Variants in NAGLU observed in about 807,000 individuals in gnomAD.
The protein encoded by NAGLU is alpha-N-acetylglucosaminidase.
A neutral mutation model predicts 43.4 loss-of-function variants in NAGLU; 34 were observed. The ratio of observed to expected loss-of-function variants is 0.78; its 90% CI spans 0.60 to 1.04. The LOEUF is 1.04. Ranked by LOEUF, NAGLU falls within the 50% of genes least tolerant of loss-of-function variation. NAGLU has a pLI of 0.00. For synonymous variants in NAGLU, 425 were observed against 437.6 expected (o/e 0.97, Z 0.36); for missense variants, 910 against 993.7 (o/e 0.92, Z 1.13).
Position 42,543,899 on chromosome 17 carries a change from T to TGAGGCC in NAGLU, c.1902_1907dup (p.Glu634_Ala635dup). 1 of 1,605,550 alleles carries TGAGGCC rather than the reference T, an allele frequency of 6.2e-7. No homozygotes were observed. The highest frequency in any genetic ancestry group is 8.5e-7 in the Non-Finnish European group (1 of 1,176,334). On this transcript the variant is annotated inframe_insertion, in exon 6 of 6. Transcript: ENST00000225927. ...AGCAGGCCCGAGCAGCGGCAGTCAG[T>TGAGGCC]GAGGCCGAGGCCGATTTCTACGAGC...
chr17:42,536,885 C>G, intron 1 of NAGLU: 1 of 867,728 alleles, frequency 1.2e-6, no homozygotes, highest in Non-Finnish European at 1.6e-6. Context: ...TGAGGATTTG[C>G]ACGATGATGG....
chr17:42,536,837 A>C, intron 1 of NAGLU, 182 bp downstream of exon 1: 2 of 1,221,710 alleles, frequency 1.6e-6, no homozygotes, highest in Non-Finnish European at 2.1e-6. Context: ...GGCCCACCTG[A>C]AAAACGGAAA....
At position 42,541,119 on chromosome 17, in the gene NAGLU, G is replaced by T; in HGVS notation, c.934G>T (p.Asp312Tyr). 6.2e-7 allele frequency: 1 copy of T among 1,614,020 alleles called. No individual in the cohort carries two copies. Among genetic ancestry groups the T allele is most frequent in the Non-Finnish European group, 8.5e-7 (1 of 1,180,022 alleles). The stretch of plus-strand genomic sequence containing the variant: ...TGGCACAGACCACATCTATGGGGCC[G>T]ACACTTTCAATGAGATGCAGCCACC... ...EFGTDHIYGA[D>Y]TFNEMQPPSS... is the part of the protein sequence containing the mutation. The change falls in exon 5 of 6, where the codon GAC becomes TAC. Residue 312 changes from aspartate (D) to tyrosine (Y), a missense_variant. Transcript: ENST00000225927.
intron 5 of NAGLU, 93 bp from the exon 6 acceptor site, chr17:42,542,935 G>A (rs2092925118): frequency 6.4e-6 from 10 of 1,570,542 alleles, no homozygotes; most frequent in Non-Finnish European, 8.6e-6. Flanking sequence ...CCATGACCTG[G>A]GATAGACAGT....
chr17:42,544,138 G>A lies in NAGLU; in HGVS notation c.2132G>A (p.Ser711Asn), dbSNP rs2092930722. 1 of 1,614,010 alleles carries A rather than the reference G, an allele frequency of 6.2e-7. No individual in the cohort carries two copies. Among genetic ancestry groups the A allele is most frequent in the East Asian group, 2.2e-5 (1 of 44,874 alleles). ...VFQLEQAFVL[S>N]KQRYPSQPRG... ...CAACTGGAGCAGGCCTTCGTTCTCA[G>A]CAAGCAGAGGTACCCCAGCCAGCCG... The change falls in exon 6 of 6, where the codon AGC (serine) becomes AAC (asparagine). Residue 711 changes from serine (S) to asparagine (N), a missense_variant. Coordinates refer to ENST00000225927, the MANE Select transcript of NAGLU (RefSeq NM_000263.4).
rs1384814504 is a variant in NAGLU, at chr17:42,536,242, T to G, written c.-31T>G. 4 of 1,205,862 alleles carry G rather than the reference T, an allele frequency of 3.3e-6. No individual in the cohort carries two copies. The highest frequency in any genetic ancestry group is 3.1e-6 in the Non-Finnish European group (3 of 970,732). The allele number at this position is 1,205,862 out of a possible 1,614,324, so 74.7% of individuals were successfully genotyped here. On this transcript the variant is annotated 5_prime_UTR_variant, in exon 1 of 6. Coordinates refer to ENST00000225927, the MANE Select transcript of NAGLU (RefSeq NM_000263.4). ...ATTGGACGCGGGCCGCCCCACCCCC[T>G]GGCCGTCGCGGGACCCGCAGGACTG... is the stretch of plus-strand genomic sequence containing the variant.
At position 42,543,011 on chromosome 17, in the gene NAGLU, C is replaced by G. The variant is rs1301034113; in HGVS notation, c.1022-17C>G. The G allele has an allele frequency of 1.3e-6, 2 of 1,599,668 alleles. No homozygotes were observed. Among genetic ancestry groups the G allele is most frequent in the South Asian group, 2.2e-5 (2 of 91,012 alleles). On this transcript the variant is annotated splice_polypyrimidine_tract_variant and intron_variant, in intron 5 of 5. Transcript: ENST00000225927. ...TCATCACTCCTCTTCTCTGTTCCCC[C>G]TACCTCCTGTCCACAGTGGATACTG... is the stretch of plus-strand genomic sequence containing the variant.
chr17:42,537,413 G>A lies in NAGLU; in HGVS notation c.399G>A (p.Gln133=). The A allele has an allele frequency of 6.2e-7, 1 of 1,614,258 alleles. No homozygotes were observed. The highest frequency in any genetic ancestry group is 8.5e-7 in the Non-Finnish European group (1 of 1,180,030). ...CTGCCCGCAGGTACCGCTATTACCA[G>A]AATGTGTGCACGCAAAGCTACTCTT... ...EATPNRYRYY[Q]NVCTQSYSFV... Residue 133 remains glutamine (Q), a synonymous_variant, in exon 2 of 6, where the codon CAG becomes CAA. Transcript: ENST00000225927.
Position 42,543,418 on chromosome 17 carries a change from T to A in NAGLU, c.1412T>A (p.Leu471Ter). The stretch of plus-strand genomic sequence containing the variant: ...TGGCGAAAGGACCCAGTGCCAGATT[T>A]GGCAGCCTGGGTGACCAGCTTTGCC... Reference protein sequence around the residue: ...LGWRKDPVPDLAAWVTSFAAR... With the variant: ...LGWRKDPVPD The change falls in exon 6 of 6, where the codon TTG (leucine) becomes TAG (stop). Residue 471 changes from leucine (L) to a stop codon, truncating the protein, a stop_gained. Transcript: ENST00000225927. LOFTEE classifies it low-confidence loss of function (END_TRUNC). The A allele has an allele frequency of 6.2e-7, 1 of 1,602,950 alleles. No homozygotes were observed.
intron 4 of NAGLU, among the ~76,000 whole-genome samples, 194 bp from the exon 5 acceptor site, chr17:42,540,756 A>G (rs1440492217): frequency 1.3e-5 from 2 of 151,180 alleles, no homozygotes; most frequent in Non-Finnish European, 2.9e-5. Context: ...CAGGAAGGGG[A>G]GAGATAGTGA....
At position 42,537,388 on chromosome 17, in the gene NAGLU, C is replaced by G. The variant is rs772996063; in HGVS notation, c.384-10C>G. 8.1e-6 allele frequency: 13 copies of G among 1,614,020 alleles called. No individual in the cohort carries two copies. The highest frequency in any genetic ancestry group is 1.3e-5 in the African/African-American group (1 of 74,952). On this transcript the variant is annotated splice_polypyrimidine_tract_variant and intron_variant, in intron 1 of 5. Coordinates refer to ENST00000225927, the MANE Select transcript of NAGLU (RefSeq NM_000263.4). ...GTGGGATGCGCCCCTGCTCATGACA[C>G]TGCCCGCAGGTACCGCTATTACCAG...
rs1201471385 is a variant in NAGLU, at chr17:42,536,482, C to T, written c.210C>T (p.Gly70=). 2 of 1,213,602 alleles carry T rather than the reference C, an allele frequency of 1.6e-6. No homozygotes were observed. The highest frequency in any genetic ancestry group is 3.4e-5 in the South Asian group (1 of 29,006). 75.2% of individuals were successfully genotyped at this position (1,213,602 alleles called of 1,614,324 possible). A position where few individuals can be genotyped will look rare whatever the true frequency, so the allele number is the denominator to read the frequency against. Residue 70 remains glycine (G), a synonymous_variant, in exon 1 of 6, where the codon GGC becomes GGT. Transcript: ENST00000225927. ...PGLDTYSLGG[G]GAARVRVRGS... ...TGGACACCTACAGCCTGGGCGGCGGCGGCGCGGCGCGCGTGCGGGTGCGCG... is the reference window on the plus strand; with the variant it reads ...TGGACACCTACAGCCTGGGCGGCGGTGGCGCGGCGCGCGTGCGGGTGCGCG...
chr17:42,538,583 C>A (rs564801398), intron 3 of NAGLU, 87 bp from the exon 4 acceptor site: 10 of 1,611,898 alleles, frequency 6.2e-6, no homozygotes, highest in African/African-American at 2.7e-5. Flanking sequence ...TTAACTGAGG[C>A]GGGGGGCTGC....
At position 42,543,359 on chromosome 17, in the gene NAGLU, C is replaced by T. The variant is rs200029453; in HGVS notation, c.1353C>T (p.Asn451=). 8 of 1,612,616 alleles carry T rather than the reference C, an allele frequency of 5.0e-6. No individual in the cohort carries two copies. The East Asian group carries it at 8.9e-5, about 18-fold the overall frequency. The part of the protein sequence containing the change: ...TGMAPEGISQ[N]EVVYSLMAEL... ...TGGCCCCCGAGGGCATCAGCCAGAA[C>T]GAAGTGGTCTATTCCCTCATGGCTG... The change falls in exon 6 of 6, where the codon AAC becomes AAT. Residue 451 remains asparagine, a synonymous_variant. Coordinates refer to ENST00000225927, the MANE Select transcript of NAGLU (RefSeq NM_000263.4).
chr17:42,536,775 C>G, intron 1 of NAGLU, 120 bp downstream of exon 1: 2 of 1,338,116 alleles, frequency 1.5e-6, no homozygotes, highest in Non-Finnish European at 1.9e-6. Context: ...TGCGCCGCCT[C>G]CAGCAGCTGT....
In NAGLU at chr17:42,541,211, A is replaced by G; in HGVS notation, c.1021+5A>G. 5.0e-6 allele frequency: 8 copies of G among 1,612,342 alleles called. No individual in the cohort carries two copies. The highest frequency in any genetic ancestry group is 1.3e-5 in the African/African-American group (1 of 75,064). The stretch of plus-strand genomic sequence containing the variant: ...TCTATGAGGCCATGACTGCAGGTAC[A>G]GTGCCTGGGTGGGGTGGGAGAGCCC... On this transcript the variant is annotated splice_donor_5th_base_variant and intron_variant, in intron 5 of 5. Transcript: ENST00000225927.
Position 42,543,209 on chromosome 17 carries a change from C to G in NAGLU, c.1203C>G (p.Pro401=), listed in dbSNP as rs1264683485. 5 of 1,614,140 alleles carry G rather than the reference C, an allele frequency of 3.1e-6. No homozygotes were observed. The highest frequency in any genetic ancestry group is 4.2e-6 in the Non-Finnish European group (5 of 1,180,066). ...GCACTGCCTCCTTCCAGGGCCAGCCCTTCATCTGGTGCATGCTGCACAACT... is the reference window on the plus strand; with the variant it reads ...GCACTGCCTCCTTCCAGGGCCAGCCGTTCATCTGGTGCATGCTGCACAACT... ...YTRTASFQGQ[P]FIWCMLHNFG... is the part of the protein sequence containing the mutation. Residue 401 remains proline, a synonymous_variant, in exon 6 of 6, where the codon CCC becomes CCG. Coordinates refer to ENST00000225927, the MANE Select transcript of NAGLU (RefSeq NM_000263.4).
intron 5 of NAGLU, among the ~76,000 whole-genome samples, chr17:42,542,648 TA>T (rs1419802148): frequency 1.4e-4 from 22 of 152,268 alleles, no homozygotes; most frequent in Admixed American, 6.5e-4. Context: ...CACCTGCCAT[TA>T]CGCTAGGCTA....
Position 42,543,014 on chromosome 17 carries a change from C to T in NAGLU, c.1022-14C>T, listed in dbSNP as rs778712352. On this transcript the variant is annotated splice_polypyrimidine_tract_variant and intron_variant, in intron 5 of 5. Transcript: ENST00000225927. ...TCACTCCTCTTCTCTGTTCCCCCTACCTCCTGTCCACAGTGGATACTGAGG... is the reference window on the plus strand; with the variant it reads ...TCACTCCTCTTCTCTGTTCCCCCTATCTCCTGTCCACAGTGGATACTGAGG... 9 of 1,600,128 alleles carry T rather than the reference C, an allele frequency of 5.6e-6. No individual in the cohort carries two copies. Among genetic ancestry groups the T allele is most frequent in the African/African-American group, 1.3e-5 (1 of 75,038 alleles).
Sources: allele counts gnomAD v4.1 joint callset (sites outside exome capture counted in the v4.1 genomes callset), GRCh38; gene constraint gnomAD v4.1.1; transcripts MANE v1.5; gene names NCBI Gene and HGNC (gene_info 2026-07-23, HGNC 2026-07-21).